CCDC184: variants seen among roughly 807,000 people sequenced by gnomAD.
CCDC184 encodes coiled-coil domain containing 184, also known as coiled-coil domain-containing protein 184.
CCDC184 carries 11 observed loss-of-function variants against 10.4 expected under a neutral mutation model. The observed-to-expected ratio is 1.06, with a 90% CI of 0.67 to 1.75. CCDC184 has a LOEUF of 1.75. Ranked by LOEUF, CCDC184 falls within the 40% of genes most tolerant of loss-of-function variation. CCDC184 has a pLI of 0.00. For synonymous variants in CCDC184, 102 were observed against 116.1 expected (o/e 0.88, Z 0.78); for missense variants, 264 against 267.9 (o/e 0.99, Z 0.10).
rs201128716 is a variant in CCDC184 at position 48,184,250 on chromosome 12, T to C, written c.128T>C (p.Leu43Pro). Residue 43 changes from leucine to proline, a missense_variant, in exon 1 of 1, where the codon CTG becomes CCG. By Grantham distance (98) the Leu-to-Pro change is moderately conservative. Transcript: ENST00000316554. The stretch of plus-strand genomic sequence containing the variant: ...GAGTACAACGGCGGCATGAAGGAAC[T>C]GATGGAGCACCTGAAAGCCCAGCTG... ...SGEYNGGMKELMEHLKAQLQA... is the reference protein window; with the variant it reads ...SGEYNGGMKEPMEHLKAQLQA... 8.4e-5 allele frequency: 136 copies of C among 1,613,870 alleles called. No individual in the cohort carries two copies. Among genetic ancestry groups the C allele is most frequent in the Non-Finnish European group, 1.0e-4 (122 of 1,179,980 alleles).
Position 48,184,997 on chromosome 12 carries a change from C to T in CCDC184, c.*290C>T. ...ATCCATCCCTATCCTGTCCTTTCCCCCTTCCCAGACAACAGGAGAACCCGT... is the reference window on the plus strand; with the variant it reads ...ATCCATCCCTATCCTGTCCTTTCCCTCTTCCCAGACAACAGGAGAACCCGT... On this transcript the variant is annotated 3_prime_UTR_variant, in exon 1 of 1. Coordinates refer to ENST00000316554, the MANE Select transcript of CCDC184 (RefSeq NM_001013635.4). 2.6e-6 allele frequency: 1 copy of T among 382,460 alleles called. No individual in the cohort carries two copies. Among genetic ancestry groups the T allele is most frequent in the Non-Finnish European group, 4.9e-6 (1 of 204,170 alleles). The allele number at this position is 382,460 out of a possible 1,614,324, so 23.7% of individuals were successfully genotyped here. A position where few individuals can be genotyped will look rare whatever the true frequency, so the allele number is the denominator to read the frequency against.
rs1000355105 is a variant in CCDC184, at chr12:48,184,231, A to G, written c.109A>G (p.Asn37Asp). 6.2e-7 allele frequency: 1 copy of G among 1,614,044 alleles called. No homozygotes were observed. Among genetic ancestry groups the G allele is most frequent in the Non-Finnish European group, 8.5e-7 (1 of 1,180,006 alleles). ...GGGGGACGTGATCTCCGGGGAGTAC[A>G]ACGGCGGCATGAAGGAACTGATGGA... is the stretch of plus-strand genomic sequence containing the variant. Reference protein sequence around the residue: ...AVGDVISGEYNGGMKELMEHL... With the variant: ...AVGDVISGEYDGGMKELMEHL... Residue 37 changes from asparagine (N) to aspartate (D), a missense_variant, in exon 1 of 1, where the codon AAC becomes GAC. Transcript: ENST00000316554.
rs1412937235 is a variant in CCDC184 at position 48,184,162 on chromosome 12, G to A, written c.40G>A (p.Gly14Ser). 14 of 1,613,818 alleles carry A rather than the reference G, an allele frequency of 8.7e-6. No homozygotes were observed. Among genetic ancestry groups the A allele is most frequent in the Admixed American group, 8.3e-5 (5 of 60,004 alleles). The change falls in exon 1 of 1, where the codon GGC becomes AGC. Residue 14 changes from glycine to serine, a missense_variant. Physicochemically the swap from Gly to Ser is moderately conservative, Grantham distance 56. Coordinates refer to ENST00000316554, the MANE Select transcript of CCDC184 (RefSeq NM_001013635.4). ...GCTGGAGATCATGACCAAGGACGGC[G>A]GCGACATGCCGGCGCCCCTGGAGGT... ...GLLEIMTKDG[G>S]DMPAPLEVST... is the part of the protein sequence containing the mutation.
In CCDC184 at chr12:48,184,767, G is replaced by C; in HGVS notation, c.*60G>C. 7.3e-7 allele frequency: 1 copy of C among 1,365,474 alleles called. No individual in the cohort carries two copies. Among genetic ancestry groups the C allele is most frequent in the Non-Finnish European group, 1.0e-6 (1 of 992,238 alleles). 84.6% of individuals were successfully genotyped at this position (1,365,474 alleles called of 1,614,324 possible). On this transcript the variant is annotated 3_prime_UTR_variant, in exon 1 of 1. Coordinates refer to ENST00000316554, the MANE Select transcript of CCDC184 (RefSeq NM_001013635.4). ...CTTTGGGTTTCCGAGTGCATGACGCGAGGGGGACTGAACGGCGCGGTGCGG... is the reference window on the plus strand; with the variant it reads ...CTTTGGGTTTCCGAGTGCATGACGCCAGGGGGACTGAACGGCGCGGTGCGG...
rs989939706 is a variant in CCDC184 at position 48,185,364 on chromosome 12, T to G, written c.*657T>G. 1 of 167,042 alleles carries G rather than the reference T, an allele frequency of 6.0e-6. No homozygotes were observed. Among genetic ancestry groups the G allele is most frequent in the African/African-American group, 2.4e-5 (1 of 41,400 alleles). 10.3% of individuals were successfully genotyped at this position (167,042 alleles called of 1,614,324 possible). ...ATAGCTCAACCTCTAGGATTTTGCATGCAGAGCGGATCCTGCCTTGTCACT... is the reference window on the plus strand; with the variant it reads ...ATAGCTCAACCTCTAGGATTTTGCAGGCAGAGCGGATCCTGCCTTGTCACT... On this transcript the variant is annotated 3_prime_UTR_variant, in exon 1 of 1. Transcript: ENST00000316554.
At position 48,184,602 on chromosome 12, in the gene CCDC184, C is replaced by T. The variant is rs771564954; in HGVS notation, c.480C>T (p.Pro160=). 3.8e-6 allele frequency: 6 copies of T among 1,564,734 alleles called. No individual in the cohort carries two copies. Among genetic ancestry groups the T allele is most frequent in the South Asian group, 1.2e-5 (1 of 85,638 alleles). ...PATPSSHCER[P]ESPCAGLLGG... ...CACCCTCCAGTCACTGTGAGCGCCC[C>T]GAAAGCCCCTGTGCTGGTCTCCTTG... Residue 160 remains proline (P), a synonymous_variant, in exon 1 of 1, where the codon CCC becomes CCT. Coordinates refer to ENST00000316554, the MANE Select transcript of CCDC184 (RefSeq NM_001013635.4).
At position 48,184,027 on chromosome 12, in the gene CCDC184, GCCCCTCCCGGGACCTCTCCCCCTCCAC is replaced by G; in HGVS notation, c.-87_-61del. ...CCTCCGCTTCCCTCGGCTCCCGCTA[GCCCCTCCCGGGACCTCTCCCCCTCCAC>G]CCCCTCCCCCACCCCGGAGGCCGGG... On this transcript the variant is annotated 5_prime_UTR_variant, in exon 1 of 1. Transcript: ENST00000316554. 1 of 671,310 alleles carries G rather than the reference GCCCCTCCCGGGACCTCTCCCCCTCCAC, an allele frequency of 1.5e-6. No individual in the cohort carries two copies. Among genetic ancestry groups the G allele is most frequent in the Non-Finnish European group, 2.3e-6 (1 of 426,696 alleles). The allele number at this position is 671,310 out of a possible 1,614,324, so 41.6% of individuals were successfully genotyped here.
Position 48,184,223 on chromosome 12 carries a change from G to C in CCDC184, c.101G>C (p.Gly34Ala). 1 of 1,614,096 alleles carries C rather than the reference G, an allele frequency of 6.2e-7. No individual in the cohort carries two copies. Among genetic ancestry groups the C allele is most frequent in the East Asian group, 2.2e-5 (1 of 44,874 alleles). Residue 34 changes from glycine (G) to alanine (A), a missense_variant, in exon 1 of 1, where the codon GGG becomes GCG. Gly to Ala is a moderately conservative substitution (Grantham distance 60). Coordinates refer to ENST00000316554, the MANE Select transcript of CCDC184 (RefSeq NM_001013635.4). Reference protein sequence around the residue: ...TVPAVGDVISGEYNGGMKELM... With the variant: ...TVPAVGDVISAEYNGGMKELM... Reference sequence around the variant, plus strand: ...CCGGCAGTGGGGGACGTGATCTCCGGGGAGTACAACGGCGGCATGAAGGAA... The same window carrying C: ...CCGGCAGTGGGGGACGTGATCTCCGCGGAGTACAACGGCGGCATGAAGGAA...
In CCDC184 at chr12:48,184,575, C is replaced by T. The variant is rs747487130; in HGVS notation, c.453C>T (p.Ala151=). The T allele has an allele frequency of 1.9e-6, 3 of 1,556,328 alleles. No homozygotes were observed. The African/African-American group carries it at 4.1e-5, about 21-fold the overall frequency. ...AAGAGAAGGAGATGCCCAGCCCCGC[C>T]ACACCCTCCAGTCACTGTGAGCGCC... The part of the protein sequence containing the change: ...EEEEKEMPSP[A]TPSSHCERPE... Residue 151 remains alanine (A), a synonymous_variant, in exon 1 of 1, where the codon GCC becomes GCT. Coordinates refer to ENST00000316554, the MANE Select transcript of CCDC184 (RefSeq NM_001013635.4).
chr12:48,184,102 G>T lies in CCDC184; in HGVS notation c.-21G>T, dbSNP rs769666681. 8.3e-7 allele frequency: 1 copy of T among 1,211,620 alleles called. No homozygotes were observed. Among genetic ancestry groups the T allele is most frequent in the South Asian group, 1.3e-5 (1 of 76,582 alleles). 75.1% of individuals were successfully genotyped at this position (1,211,620 alleles called of 1,614,324 possible). ...GGGCTGGACGCGACCCAGAGCCTCC[G>T]CCACCCGCTTCTGCCACTCAATGGA... On this transcript the variant is annotated 5_prime_UTR_variant, in exon 1 of 1. Coordinates refer to ENST00000316554, the MANE Select transcript of CCDC184 (RefSeq NM_001013635.4).
chr12:48,184,225 G>T lies in CCDC184; in HGVS notation c.103G>T (p.Glu35Ter), dbSNP rs1308576439. 3 of 1,614,092 alleles carry T rather than the reference G, an allele frequency of 1.9e-6. No homozygotes were observed. The highest frequency in any genetic ancestry group is 1.3e-5 in the African/African-American group (1 of 75,070). Residue 35 changes from glutamate (E) to a stop codon, truncating the protein, a stop_gained, in exon 1 of 1, where the codon GAG becomes TAG. Transcript: ENST00000316554. LOFTEE classifies it high-confidence loss of function. The part of the protein sequence containing the change: ...VPAVGDVISG[E>*]YNGGMKELME... Reference sequence around the variant, plus strand: ...GGCAGTGGGGGACGTGATCTCCGGGGAGTACAACGGCGGCATGAAGGAACT... The same window carrying T: ...GGCAGTGGGGGACGTGATCTCCGGGTAGTACAACGGCGGCATGAAGGAACT...
chr12:48,184,044 T>TGCC lies in CCDC184; in HGVS notation c.-79_-78insGCC. ...TCCCGCTAGCCCCTCCCGGGACCTCTCCCCCTCCACCCCCTCCCCCACCCC... is the reference window on the plus strand; with the variant it reads ...TCCCGCTAGCCCCTCCCGGGACCTCTGCCCCCCCTCCACCCCCTCCCCCACCCC... On this transcript the variant is annotated 5_prime_UTR_variant, in exon 1 of 1. Coordinates refer to ENST00000316554, the MANE Select transcript of CCDC184 (RefSeq NM_001013635.4). 1 of 652,394 alleles carries TGCC rather than the reference T, an allele frequency of 1.5e-6. No individual in the cohort carries two copies. Among genetic ancestry groups the TGCC allele is most frequent in the Non-Finnish European group, 2.4e-6 (1 of 413,706 alleles). 40.4% of individuals were successfully genotyped at this position (652,394 alleles called of 1,614,324 possible). A position where few individuals can be genotyped will look rare whatever the true frequency, so the allele number is the denominator to read the frequency against.
chr12:48,184,783 C>A lies in CCDC184; in HGVS notation c.*76C>A. 1 of 1,159,298 alleles carries A rather than the reference C, an allele frequency of 8.6e-7. No homozygotes were observed. The highest frequency in any genetic ancestry group is 1.2e-6 in the Non-Finnish European group (1 of 817,580). 71.8% of individuals were successfully genotyped at this position (1,159,298 alleles called of 1,614,324 possible). A position where few individuals can be genotyped will look rare whatever the true frequency, so the allele number is the denominator to read the frequency against. On this transcript the variant is annotated 3_prime_UTR_variant, in exon 1 of 1. Coordinates refer to ENST00000316554, the MANE Select transcript of CCDC184 (RefSeq NM_001013635.4). The stretch of plus-strand genomic sequence containing the variant: ...GCATGACGCGAGGGGGACTGAACGG[C>A]GCGGTGCGGCATGCTTCACTTGGAC...
At position 48,184,088 on chromosome 12, in the gene CCDC184, G is replaced by T. The variant is rs1188379305; in HGVS notation, c.-35G>T. On this transcript the variant is annotated 5_prime_UTR_variant, in exon 1 of 1. Coordinates refer to ENST00000316554, the MANE Select transcript of CCDC184 (RefSeq NM_001013635.4). ...CCACCCCGGAGGCCGGGCTGGACGC[G>T]ACCCAGAGCCTCCGCCACCCGCTTC... 1.7e-6 allele frequency: 2 copies of T among 1,184,706 alleles called. No individual in the cohort carries two copies. Among genetic ancestry groups the T allele is most frequent in the African/African-American group, 1.6e-5 (1 of 62,916 alleles). The allele number at this position is 1,184,706 out of a possible 1,614,324, so 73.4% of individuals were successfully genotyped here.
chr12:48,184,373 G>A lies in CCDC184; in HGVS notation c.251G>A (p.Arg84Gln). Residue 84 changes from arginine to glutamine, a missense_variant, in exon 1 of 1, where the codon CGA becomes CAA. Transcript: ENST00000316554. ...VLSDDVCANQ[R>Q]AIVSMCQIMT... The stretch of plus-strand genomic sequence containing the variant: ...TCGGACGACGTGTGCGCCAACCAGC[G>A]AGCCATCGTCTCCATGTGCCAGATT... 1 of 1,613,798 alleles carries A rather than the reference G, an allele frequency of 6.2e-7. No homozygotes were observed. Among genetic ancestry groups the A allele is most frequent in the Non-Finnish European group, 8.5e-7 (1 of 1,179,998 alleles).
Position 48,183,791 on chromosome 12 carries a change from T to C in CCDC184, c.-332T>C, listed in dbSNP as rs1185755594. The C allele has an allele frequency of 2.7e-5, 8 of 298,962 alleles. No homozygotes were observed. Among genetic ancestry groups the C allele is most frequent in the African/African-American group, 1.8e-4 (8 of 45,486 alleles). 18.5% of individuals were successfully genotyped at this position (298,962 alleles called of 1,614,324 possible). On this transcript the variant is annotated 5_prime_UTR_variant, in exon 1 of 1. Transcript: ENST00000316554. ...ACGGAACCGGCAGGCGCTCTCTGCT[T>C]GTGGCGCCCAGAGGGCGGCGCTGAC...
rs921250479 is a variant in CCDC184, at chr12:48,185,681, G to C, written c.*974G>C. 6.0e-6 allele frequency: 1 copy of C among 167,182 alleles called. No individual in the cohort carries two copies. The highest frequency in any genetic ancestry group is 2.4e-5 in the African/African-American group (1 of 41,414). 10.4% of individuals were successfully genotyped at this position (167,182 alleles called of 1,614,324 possible). The stretch of plus-strand genomic sequence containing the variant: ...GTGTGAGCCCTCAGGGGCAGGGCTT[G>C]TGGCTCTGGTGTTAGGTTCAGGGGC... On this transcript the variant is annotated 3_prime_UTR_variant, in exon 1 of 1. Coordinates refer to ENST00000316554, the MANE Select transcript of CCDC184 (RefSeq NM_001013635.4).
chr12:48,184,545 G>T lies in CCDC184; in HGVS notation c.423G>T (p.Glu141Asp). 6.4e-7 allele frequency: 1 copy of T among 1,551,698 alleles called. No individual in the cohort carries two copies. ...LGRDPEDEEE[E>D]EEEKEMPSPA... ...GCGATCCCGAGGACGAGGAGGAAGA[G>T]GAAGAAGAGAAGGAGATGCCCAGCC... The change falls in exon 1 of 1, where the codon GAG becomes GAT. Residue 141 changes from glutamate (E) to aspartate (D), a missense_variant. Glu to Asp is a conservative substitution (Grantham distance 45, BLOSUM62 2). Coordinates refer to ENST00000316554, the MANE Select transcript of CCDC184 (RefSeq NM_001013635.4).
In CCDC184 at chr12:48,184,007, G is replaced by A; in HGVS notation, c.-116G>A. ...CTCCCCGCCAGTCTCGGGAGCCTCC[G>A]CTTCCCTCGGCTCCCGCTAGCCCCT... On this transcript the variant is annotated 5_prime_UTR_variant, in exon 1 of 1. Coordinates refer to ENST00000316554, the MANE Select transcript of CCDC184 (RefSeq NM_001013635.4). 1 of 514,250 alleles carries A rather than the reference G, an allele frequency of 1.9e-6. No individual in the cohort carries two copies. The highest frequency in any genetic ancestry group is 3.3e-6 in the Non-Finnish European group (1 of 301,036). 31.9% of individuals were successfully genotyped at this position (514,250 alleles called of 1,614,324 possible).
Sources: gnomAD v4.1 joint callset for allele counts on GRCh38, gnomAD v4.1.1 for gene constraint, MANE v1.5 for transcripts, NCBI Gene and HGNC (gene_info 2026-07-23, HGNC 2026-07-21) for gene names.